The following PSG11 variants were observed in gnomAD, a reference collection of about 807,000 sequenced individuals.
PSG11 encodes the protein pregnancy specific beta-1-glycoprotein 11, also known as pregnancy-specific beta-1-glycoprotein 11.
In PSG11, 42 loss-of-function variants were observed where a neutral mutation model predicts 36.0. The observed-to-expected ratio is 1.17, with a 90% confidence interval of 0.91 to 1.51. The LOEUF (loss-of-function observed/expected upper bound fraction) is 1.51, where lower values mean the gene tolerates loss of function less well. Ranked by LOEUF, PSG11 falls within the 40% of genes most tolerant of loss-of-function variation. PSG11 has a pLI of 0.00. For synonymous variants in PSG11, 206 were observed against 153.5 expected (o/e 1.34, Z -2.53); for missense variants, 558 against 403.5 (o/e 1.38, Z -3.28).
Position 43,018,765 on chromosome 19 carries a change from C to A in PSG11, c.709+5G>T. The A allele has an allele frequency of 6.2e-7, 1 of 1,612,096 alleles. No homozygotes were observed. The highest frequency in any genetic ancestry group is 8.5e-7 in the Non-Finnish European group (1 of 1,179,032). ...CTGGCTCACAGAGGAACAGAAGATA[C>A]TCACGGAGGAGATTCAGGGTGACTG... On this transcript the variant is annotated splice_donor_5th_base_variant and intron_variant, in intron 3 of 5. Transcript: ENST00000320078.
chr19:43,023,044 A>T (rs3950835), intron 2 of PSG11, among the ~76,000 whole-genome samples: 2 of 150,816 alleles, frequency 1.3e-5, no homozygotes, highest in Admixed American at 6.6e-5. Flanking sequence ...GCAGTGAGGG[A>T]GACACTGACT....
rs915973048 is a variant in PSG11, at chr19:43,024,125, T to G, written c.430+566A>C. On this transcript the variant is annotated intron_variant, in intron 2 of 5. Transcript: ENST00000320078. ...TGTCAGGTGAAGAAAGCTCTGTCCT[T>G]GCCCAGATGAGGCTCTGAGGGCTGA... 7.9e-5 allele frequency among the ~76,000 whole-genome samples: 12 copies of G among 151,350 alleles called. 2 individuals are homozygous for G. The highest frequency in any genetic ancestry group is 1.6e-4 in the Non-Finnish European group (11 of 67,890).
intron 3 of PSG11, chr19:43,018,562 C>T: frequency 8.3e-7 from 1 of 1,206,962 alleles, no homozygotes; most frequent in South Asian, 1.5e-5. Flanking sequence ...GACCCTGAGC[C>T]TCCCATGACA....
intron 2 of PSG11, among the ~76,000 whole-genome samples, chr19:43,020,426 T>G (rs1057090145): frequency 6.6e-6 from 1 of 151,326 alleles, no homozygotes; most frequent in Admixed American, 6.6e-5. Context: ...TGCTCCATAT[T>G]TAATACTGTA....
At chr19:43,023,520 T>C (rs1599681294) in intron 2 of PSG11, among the ~76,000 whole-genome samples, 1 of 151,320 alleles carries the variant, frequency 6.6e-6, no homozygotes, top group African/African-American at 2.4e-5. Flanking sequence ...CTGACTTTGA[T>C]GGTTGAAGCA....
chr19:43,014,235 T>C (rs562759544), intron 4 of PSG11: 9 of 621,496 alleles, frequency 1.4e-5, no homozygotes, highest in East Asian at 2.9e-4. Flanking sequence ...AAACAGTTAA[T>C]GGTAAGCCTT....
Position 43,018,784 on chromosome 19 carries a change from G to A in PSG11, c.695C>T (p.Thr232Ile), listed in dbSNP as rs766612393. The stretch of plus-strand genomic sequence containing the variant: ...AAGATACTCACGGAGGAGATTCAGG[G>A]TGACTGGGTCACTGCGGCTGGCACT... ...SGSASRSDPV[T>I]LNLLHGPDLP... Residue 232 changes from threonine (T) to isoleucine (I), a missense_variant, in exon 3 of 6, where the codon ACC (threonine) becomes ATC (isoleucine). By Grantham distance (89) the Thr-to-Ile change is moderately conservative. Transcript: ENST00000320078. 9.3e-6 allele frequency: 15 copies of A among 1,612,136 alleles called. 1 individual carries two copies. The highest frequency in any genetic ancestry group is 1.3e-5 in the Non-Finnish European group (15 of 1,179,078).
intron 2 of PSG11, among the ~76,000 whole-genome samples, chr19:43,021,099 C>G (rs1967091269): frequency 1.3e-5 from 2 of 151,422 alleles, no homozygotes; most frequent in African/African-American, 4.9e-5. Flanking sequence ...GTCCCCAAAA[C>G]CACCAGTATT....
chr19:43,013,175 G>C (rs1337146271), intron 4 of PSG11, among the ~76,000 whole-genome samples: 4 of 151,388 alleles, frequency 2.6e-5, no homozygotes, highest in African/African-American at 9.7e-5. Flanking sequence ...ACAACTCTTA[G>C]AAGAAAAGCT....
At chr19:43,017,007 C>T (rs1029123496) in intron 3 of PSG11, among the ~76,000 whole-genome samples, 7 of 151,338 alleles carry the variant, frequency 4.6e-5, no homozygotes, top group Non-Finnish European at 7.4e-5. Flanking sequence ...ACTCTCTGAT[C>T]CCCTGGGTTC....
Position 43,025,048 on chromosome 19 carries a change from A to C in PSG11, c.73T>G (p.Leu25Val). ...GTGGTAGGCAAGTTCCAGAAGTTTA[A>C]AAGTAATGCTAGGAGGTGGAGAGAG... ...WKGLLLTALL[L>V]NFWNLPTTAQ... Residue 25 changes from leucine (L) to valine (V), a missense_variant, in exon 2 of 6, where the codon TTA (leucine) becomes GTA (valine). Coordinates refer to ENST00000320078, the MANE Select transcript of PSG11 (RefSeq NM_002785.3). 3 of 1,609,546 alleles carry C rather than the reference A, an allele frequency of 1.9e-6. No individual in the cohort carries two copies. Among genetic ancestry groups the C allele is most frequent in the Non-Finnish European group, 2.5e-6 (3 of 1,177,716 alleles).
At chr19:43,017,018 G>T (rs757229220) in intron 3 of PSG11, among the ~76,000 whole-genome samples, 1 of 151,428 alleles carries the variant, frequency 6.6e-6, no homozygotes, top group African/African-American at 2.4e-5. Context: ...CCCTGGGTTC[G>T]ACTACTCTAG....
intron 2 of PSG11, among the ~76,000 whole-genome samples, chr19:43,023,292 C>G (rs1967149315): frequency 6.6e-6 from 1 of 150,752 alleles, no homozygotes; most frequent in Admixed American, 6.6e-5. Context: ...TTGGATCATT[C>G]ATTTCTTCAT....
chr19:43,012,081 C>T (rs1487498877), intron 4 of PSG11, among the ~76,000 whole-genome samples: 1 of 151,144 alleles, frequency 6.6e-6, no homozygotes. Context: ...AGATTCAATC[C>T]ATAAAAGCAT....
At chr19:43,010,283 C>T in intron 4 of PSG11, 2 of 1,471,596 alleles carry the variant, frequency 1.4e-6, no homozygotes, top group African/African-American at 1.4e-5. Flanking sequence ...TTTTGGAAGG[C>T]TTTCAGACGT....
chr19:43,026,171 G>C (rs181578738), intron 1 of PSG11, 138 bp downstream of exon 1: 33 of 1,338,908 alleles, frequency 2.5e-5, no homozygotes, highest in Non-Finnish European at 3.2e-5. Flanking sequence ...TTGAACTCCT[G>C]ATCTCGTGAT....
chr19:43,022,228 T>A (rs907029715), intron 2 of PSG11, among the ~76,000 whole-genome samples: 5 of 151,548 alleles, frequency 3.3e-5, no homozygotes, highest in Admixed American at 3.3e-4. Context: ...TTGTAACTAA[T>A]TGCTCCTATA....
At chr19:43,025,871 T>G (rs1242255854) in intron 1 of PSG11, among the ~76,000 whole-genome samples, 12 of 149,144 alleles carry the variant, frequency 8.0e-5, no homozygotes, top group Non-Finnish European at 1.8e-4. Flanking sequence ...CCTGTCCCTC[T>G]TGGGTGTATT....
intron 4 of PSG11, among the ~76,000 whole-genome samples, chr19:43,010,890 C>CATATATATAT (rs10566441): frequency 3.7e-4 from 52 of 140,444 alleles, no homozygotes; most frequent in African/African-American, 1.3e-3. Context: ...CCTCTTTTTC[C>CATATATATAT]ATATATATAT....
Sources: allele counts gnomAD v4.1 joint callset (sites outside exome capture counted in the v4.1 genomes callset), GRCh38; gene constraint gnomAD v4.1.1; transcripts MANE v1.5; gene names NCBI Gene and HGNC (gene_info 2026-07-23, HGNC 2026-07-21).